Variants in BACE2 observed in about 807,000 individuals in gnomAD.
The protein encoded by BACE2 is beta-secretase 2.
A neutral mutation model predicts 46.2 loss-of-function variants in BACE2; 17 were observed. The ratio of observed to expected loss-of-function variants is 0.37; its 90% CI spans 0.25 to 0.55. The LOEUF is 0.55. Ranked by LOEUF, BACE2 falls within the 20% of genes least tolerant of loss-of-function variation. The probability of loss-of-function intolerance (pLI) is 0.82; values close to 1 mark genes in which losing one functional copy is unlikely to be tolerated. For missense variants in BACE2, 595 were observed against 698.1 expected (o/e 0.85, Z 1.66); for synonymous variants, 277 against 295.9 (o/e 0.94, Z 0.66).
chr21:41,228,134 G>C (rs1319336642), intron 2 of BACE2, among the ~76,000 whole-genome samples: 1 of 152,198 alleles, frequency 6.6e-6, no homozygotes, highest in Non-Finnish European at 1.5e-5. Context: ...AAGGTCATAT[G>C]ACTTATCTAC....
chr21:41,216,101 G>A (rs571601484), intron 1 of BACE2, among the ~76,000 whole-genome samples: 1 of 152,202 alleles, frequency 6.6e-6, no homozygotes, highest in African/African-American at 2.4e-5. Context: ...TATAGAGCAG[G>A]TGGCATTACT....
At chr21:41,244,475 G>C (rs1354915821) in intron 5 of BACE2, among the ~76,000 whole-genome samples, 1 of 152,164 alleles carries the variant, frequency 6.6e-6, no homozygotes, top group African/African-American at 2.4e-5. Flanking sequence ...GTCACAAGGT[G>C]CTCAGTGGGA....
chr21:41,257,253 G>T lies in BACE2; in HGVS notation c.1230G>T (p.Thr410=). 6.2e-7 allele frequency: 1 copy of T among 1,614,200 alleles called. No individual in the cohort carries two copies. Among genetic ancestry groups the T allele is most frequent in the Non-Finnish European group, 8.5e-7 (1 of 1,180,036 alleles). The change falls in exon 8 of 9, where the codon ACG becomes ACT. Residue 410 remains threonine (T), a synonymous_variant. Coordinates refer to ENST00000330333, the MANE Select transcript of BACE2 (RefSeq NM_012105.5). ...CAAATGCGCTGGTGATCGGTGCCAC[G>T]GTGATGGAGGGCTTCTACGTCATCT... ...PSTNALVIGA[T]VMEGFYVIFD...
chr21:41,209,578 A>C (rs572269056), intron 1 of BACE2, among the ~76,000 whole-genome samples: 1 of 152,320 alleles, frequency 6.6e-6, no homozygotes, highest in Admixed American at 6.5e-5. Flanking sequence ...TTTAAGTTCA[A>C]ACACCACTGT....
At chr21:41,228,317 T>C (rs780734713) in intron 2 of BACE2, among the ~76,000 whole-genome samples, 2 of 152,272 alleles carry the variant, frequency 1.3e-5, no homozygotes, top group Admixed American at 6.5e-5. Flanking sequence ...GTACACCCAG[T>C]GTAGACTGAT....
chr21:41,213,061 G>A (rs1217316201), intron 1 of BACE2, among the ~76,000 whole-genome samples: 1 of 152,208 alleles, frequency 6.6e-6, no homozygotes, highest in Admixed American at 6.5e-5. Flanking sequence ...GCTCCCAGGT[G>A]GGGGCTCATG....
chr21:41,262,029 A>T (rs1027970944), intron 8 of BACE2, among the ~76,000 whole-genome samples: 5 of 152,298 alleles, frequency 3.3e-5, no homozygotes, highest in Admixed American at 3.3e-4. Context: ...ACATTCTCCT[A>T]TATAACCACA....
At chr21:41,226,146 T>G (rs1986811014) in intron 1 of BACE2, 120 bp from the exon 2 acceptor site, 1 of 746,464 alleles carries the variant, frequency 1.3e-6, no homozygotes, top group Non-Finnish European at 2.2e-6. Context: ...GTATACTTTT[T>G]TTTTGTTCCA....
chr21:41,275,172 C>T (rs2088472186), intron 8 of BACE2, among the ~76,000 whole-genome samples, 199 bp from the exon 9 acceptor site: 1 of 152,166 alleles, frequency 6.6e-6, no homozygotes, highest in Non-Finnish European at 1.5e-5. Context: ...AACATGCCGT[C>T]GTTCCAGTTT....
chr21:41,230,148 A>T (rs767461564), intron 2 of BACE2: 1 of 152,226 alleles, frequency 6.6e-6, no homozygotes, highest in Non-Finnish European at 1.5e-5. Flanking sequence ...TCTTTTCAAG[A>T]GACCATTCTT....
chr21:41,208,375 G>A (rs1256799841), intron 1 of BACE2, among the ~76,000 whole-genome samples: 1 of 152,216 alleles, frequency 6.6e-6, no homozygotes, highest in African/African-American at 2.4e-5. Context: ...ACCTTCTGGG[G>A]GTGGGAGAGG....
chr21:41,223,018 C>T (rs1000342489), intron 1 of BACE2, among the ~76,000 whole-genome samples: 10 of 152,124 alleles, frequency 6.6e-5, no homozygotes, highest in Admixed American at 2.6e-4. Context: ...CAAGATGTTT[C>T]CTGGACCTGC....
In BACE2 at chr21:41,275,938, C is replaced by A; in HGVS notation, c.*314C>A. On this transcript the variant is annotated 3_prime_UTR_variant, in exon 9 of 9. Transcript: ENST00000330333. The stretch of plus-strand genomic sequence containing the variant: ...CATGTGCCACCAACATAAAACAAAA[C>A]CAAGCCTTGGCTCGTTCTCTTCTCT... 1 of 318,230 alleles carries A rather than the reference C, an allele frequency of 3.1e-6. No individual in the cohort carries two copies. 19.7% of individuals were successfully genotyped at this position (318,230 alleles called of 1,614,324 possible). A position where few individuals can be genotyped will look rare whatever the true frequency, so the allele number is the denominator to read the frequency against.
At chr21:41,169,164 G>A (rs577863072) in intron 1 of BACE2, among the ~76,000 whole-genome samples, 71 of 152,086 alleles carry the variant, frequency 4.7e-4, no homozygotes, top group Non-Finnish European at 7.9e-4. Flanking sequence ...TCTCCCCTGC[G>A]CCCGCTTTCC....
intron 1 of BACE2, among the ~76,000 whole-genome samples, chr21:41,208,875 T>A (rs1986213368): frequency 6.6e-6 from 1 of 152,058 alleles, no homozygotes; most frequent in Non-Finnish European, 1.5e-5. Flanking sequence ...AGGCAGCACC[T>A]GGATCAGGAG....
chr21:41,177,671 G>A (rs975645460), intron 1 of BACE2: 15 of 152,342 alleles, frequency 9.8e-5, no homozygotes, highest in East Asian at 5.8e-4. Context: ...AGCGTCAGCC[G>A]TGTGGTAAGT....
At chr21:41,202,560 A>G (rs1419283308) in intron 1 of BACE2, among the ~76,000 whole-genome samples, 3 of 152,206 alleles carry the variant, frequency 2.0e-5, no homozygotes, top group African/African-American at 7.2e-5. Context: ...TTATTTCTGG[A>G]TAGGCCATCG....
intron 3 of BACE2, 45 bp from the exon 4 acceptor site, chr21:41,241,774 A>C (rs1987296693): frequency 6.2e-7 from 1 of 1,610,654 alleles, no homozygotes; most frequent in African/African-American, 1.3e-5. Flanking sequence ...CCATGTCTAC[A>C]CTGTGAGTCC....
At chr21:41,275,093 C>A (rs893383462) in intron 8 of BACE2, among the ~76,000 whole-genome samples, 1 of 152,224 alleles carries the variant, frequency 6.6e-6, no homozygotes, top group Admixed American at 6.5e-5. Context: ...CCATGAAGCA[C>A]AGGGTGCTTC....
Sources: allele counts gnomAD v4.1 joint callset (sites outside exome capture counted in the v4.1 genomes callset), GRCh38; gene constraint gnomAD v4.1.1; transcripts MANE v1.5; gene names NCBI Gene and HGNC (gene_info 2026-07-23, HGNC 2026-07-21).